RBFOX1: variants seen among roughly 807,000 people sequenced by gnomAD.
RBFOX1 encodes RNA binding protein fox-1 homolog 1.
Under a neutral mutation model 57.7 loss-of-function variants are expected in RBFOX1, and 8 were observed. The ratio of observed to expected loss-of-function variants is 0.14; its 90% CI spans 0.08 to 0.25. The LOEUF is 0.25. Among genes scored for constraint, RBFOX1 ranks in the 10% least tolerant of loss-of-function variants. RBFOX1 has a pLI of 1.00. For missense variants in RBFOX1, 611 were observed against 548.5 expected (o/e 1.11, Z -1.14); for synonymous variants, 326 against 222.4 (o/e 1.47, Z -4.15).
intron 3 of RBFOX1, among the ~76,000 whole-genome samples, chr16:7,001,550 G>A (rs749932740): frequency 6.6e-6 from 1 of 152,018 alleles, no homozygotes; most frequent in African/African-American, 2.4e-5. Flanking sequence ...TCCGCCTCCC[G>A]GGTTCAAGTG....
intron 3 of RBFOX1, among the ~76,000 whole-genome samples, chr16:6,937,448 A>G (rs1040548831): frequency 5.9e-5 from 9 of 152,164 alleles, no homozygotes; most frequent in African/African-American, 2.2e-4. Context: ...ATGTCAATGA[A>G]AAGAGTCAAA....
chr16:5,611,810 C>CCACT (rs1359287624), intron 3 of RBFOX1, among the ~76,000 whole-genome samples: 1 of 127,188 alleles, frequency 7.9e-6, no homozygotes, highest in East Asian at 2.8e-4. Context: ...ACCCACCCAC[C>CCACT]CACCCACCCA....
intron 1 of RBFOX1, among the ~76,000 whole-genome samples, chr16:6,252,613 T>TTGTTC (rs1380039356): frequency 6.6e-6 from 1 of 151,542 alleles, no homozygotes; most frequent in Non-Finnish European, 1.5e-5. Flanking sequence ...CCAAGGTGTT[T>TTGTTC]TGTTTTGTTT....
intron 3 of RBFOX1, among the ~76,000 whole-genome samples, chr16:5,823,813 T>G (rs2055941459): frequency 6.6e-6 from 1 of 152,150 alleles, no homozygotes; most frequent in Non-Finnish European, 1.5e-5. Flanking sequence ...GAAAACAAGC[T>G]CAGGGCTCCC....
intron 3 of RBFOX1, among the ~76,000 whole-genome samples, chr16:6,978,212 C>T (rs574322566): frequency 6.6e-6 from 1 of 152,120 alleles, no homozygotes. Context: ...GGTTGCAGTT[C>T]GAAATGCTTC....
chr16:7,041,082 A>ATTTTTTTTTTTTTTTTTTTTTT, intron 3 of RBFOX1, among the ~76,000 whole-genome samples: 1 of 109,306 alleles, frequency 9.1e-6, no homozygotes, highest in Non-Finnish European at 1.8e-5. Context: ...CGCCCAGCTA[A>ATTTTTTTTTTTTTTTTTTTTTT]TTTTTTTTTT....
At chr16:7,290,829 CT>C (rs1264934052) in intron 4 of RBFOX1, among the ~76,000 whole-genome samples, 10 of 152,328 alleles carry the variant, frequency 6.6e-5, no homozygotes, top group Admixed American at 1.3e-4. Context: ...GACAGCTTAT[CT>C]AAGCCTTCTG....
chr16:6,985,544 A>T (rs1421732833), intron 3 of RBFOX1, among the ~76,000 whole-genome samples: 2 of 152,152 alleles, frequency 1.3e-5, no homozygotes, highest in African/African-American at 4.8e-5. Flanking sequence ...AAGATTAGAC[A>T]GGGCTGGGAG....
intron 3 of RBFOX1, among the ~76,000 whole-genome samples, chr16:6,951,480 C>G (rs1041271146): frequency 1.3e-5 from 2 of 152,078 alleles, no homozygotes; most frequent in African/African-American, 4.8e-5. Flanking sequence ...TACATAGTGG[C>G]TGAGTCTGGG....
intron 1 of RBFOX1, among the ~76,000 whole-genome samples, chr16:5,284,722 G>A (rs1263350443): frequency 2.2e-5 from 3 of 138,854 alleles, no homozygotes; most frequent in African/African-American, 8.1e-5. Flanking sequence ...ATTTTTGAAG[G>A]ACAGCTTTGC....
chr16:6,633,685 G>A (rs1185480468), intron 2 of RBFOX1, among the ~76,000 whole-genome samples: 3 of 152,176 alleles, frequency 2.0e-5, no homozygotes, highest in African/African-American at 7.2e-5. Context: ...ACTGATGGCT[G>A]TAATTAGCCA....
intron 1 of RBFOX1, among the ~76,000 whole-genome samples, chr16:5,338,627 A>G (rs1219082484): frequency 6.6e-6 from 1 of 152,208 alleles, no homozygotes; most frequent in African/African-American, 2.4e-5. Context: ...AGGTTGGAAA[A>G]GATTTTGAAA....
At chr16:7,351,898 G>T (rs568508145) in intron 4 of RBFOX1, among the ~76,000 whole-genome samples, 54 of 152,260 alleles carry the variant, frequency 3.5e-4, no homozygotes, top group African/African-American at 1.3e-3. Context: ...CTGCTGCCAA[G>T]GAGTTTCCAA....
chr16:6,884,647 C>G (rs1028661231), intron 3 of RBFOX1, among the ~76,000 whole-genome samples: 2 of 151,948 alleles, frequency 1.3e-5, no homozygotes, highest in Admixed American at 6.6e-5. Flanking sequence ...ACCTGTAATC[C>G]CAGCACTAGG....
Position 6,807,905 on chromosome 16 carries a change from TG to T in RBFOX1, c.-16+153256del, listed in dbSNP as rs1204088944. ...TGTTGAATATATATTATTGTGTGTG[TG>T]TGTGTGTGTATATATATATAGGGTA... On this transcript the variant is annotated intron_variant, in intron 3 of 15. Transcript: ENST00000550418. Among the ~76,000 whole-genome samples the T allele has an allele frequency of 6.3e-3, 942 of 150,260 alleles. 12 individuals carry two copies. Among genetic ancestry groups the T allele is most frequent in the African/African-American group, 0.021 (852 of 40,218 alleles).
chr16:7,694,366 T>C (rs1436525763), intron 14 of RBFOX1, among the ~76,000 whole-genome samples: 1 of 152,206 alleles, frequency 6.6e-6, no homozygotes, highest in Non-Finnish European at 1.5e-5. Flanking sequence ...ACTCCCTATT[T>C]ACTGCCTTTG....
At chr16:6,878,594 G>T (rs1486019019) in intron 3 of RBFOX1, among the ~76,000 whole-genome samples, 1 of 152,108 alleles carries the variant, frequency 6.6e-6, no homozygotes, top group Non-Finnish European at 1.5e-5. Flanking sequence ...CACATGCAGT[G>T]TCCTCATGTG....
intron 11 of RBFOX1, among the ~76,000 whole-genome samples, chr16:7,638,574 C>T (rs1427002076): frequency 2.0e-5 from 3 of 152,148 alleles, no homozygotes; most frequent in Admixed American, 6.6e-5. Flanking sequence ...GGCAGTTTTC[C>T]CCTCTTTGAG....
chr16:5,580,368 T>G (rs1316891608), intron 2 of RBFOX1, among the ~76,000 whole-genome samples: 3 of 152,116 alleles, frequency 2.0e-5, no homozygotes, highest in African/African-American at 7.2e-5. Flanking sequence ...GCTGCGTGGG[T>G]CTCAGCCTGG....
Sources: gnomAD v4.1 joint callset for allele counts (sites outside exome capture counted in the v4.1 genomes callset) on GRCh38, gnomAD v4.1.1 for gene constraint, MANE v1.5 for transcripts, NCBI Gene and HGNC (gene_info 2026-07-23, HGNC 2026-07-21) for gene names.